Variants in LNX1 observed in about 807,000 individuals in gnomAD.
The protein encoded by LNX1 is E3 ubiquitin-protein ligase LNX.
In LNX1, 54 loss-of-function variants were observed where a neutral mutation model predicts 68.4. The ratio of observed to expected loss-of-function variants is 0.79; its 90% CI spans 0.63 to 0.99. LNX1 has a LOEUF of 0.99. LNX1 is among the 50% of genes least tolerant of loss of function. The pLI is 0.00. For missense variants in LNX1, 906 were observed against 926.4 expected, an observed-to-expected ratio of 0.98 and a Z score of 0.29; for synonymous variants, 336 against 350.0, an observed-to-expected ratio of 0.96 and a Z score of 0.45.
chr4:53,578,142 T>C (rs1369863368), intron 1 of LNX1, among the ~76,000 whole-genome samples: 1 of 152,190 alleles, frequency 6.6e-6, no homozygotes, highest in African/African-American at 2.4e-5. Flanking sequence ...CCAGAATCTT[T>C]CTTGATTATG....
chr4:53,651,223 C>T lies in LNX1; in HGVS notation c.-215+945G>A, dbSNP rs112679820. Among the ~76,000 whole-genome samples, 1,090 of 152,282 alleles carry T rather than the reference C, an allele frequency of 7.2e-3. 15 individuals are homozygous for T. Among genetic ancestry groups the T allele is most frequent in the African/African-American group, 0.024 (1,000 of 41,540 alleles). ...CCTGGGGGACTTGTGTATCTGAATG[C>T]TCTCCCTCAATCCAAGTCCACACTT... On this transcript the variant is annotated intron_variant, in intron 1 of 2. Transcript: ENST00000507168.
Position 53,591,467 on chromosome 4 carries a change from C to A in LNX1, c.-166G>T, listed in dbSNP as rs772395061. ...TTCCTTGTGGGTGAACCGAGCAGCT[C>A]CTTGGGCCGCCGGAGTTGTGACCAG... On this transcript the variant is annotated 5_prime_UTR_variant, in exon 1 of 11. Transcript: ENST00000263925. 10 of 985,704 alleles carry A rather than the reference C, an allele frequency of 1.0e-5. No individual in the cohort carries two copies. The highest frequency in any genetic ancestry group is 1.2e-5 in the Non-Finnish European group (10 of 830,198). The allele number at this position is 985,704 out of a possible 1,614,324, so 61.1% of individuals were successfully genotyped here.
chr4:53,568,169 C>T (rs553139854), intron 2 of LNX1, among the ~76,000 whole-genome samples: 47 of 151,980 alleles, frequency 3.1e-4, no homozygotes, highest in African/African-American at 1.1e-3. Context: ...ATTCTGATAC[C>T]AAAGCCGGGC....
chr4:53,488,765 T>C (rs554384942), intron 6 of LNX1, among the ~76,000 whole-genome samples: 1 of 152,232 alleles, frequency 6.6e-6, no homozygotes, highest in South Asian at 2.1e-4. Flanking sequence ...GACCACATGA[T>C]GCCATACAGA....
intron 2 of LNX1, among the ~76,000 whole-genome samples, chr4:53,544,652 A>G (rs1400368509): frequency 6.6e-6 from 1 of 152,208 alleles, no homozygotes; most frequent in East Asian, 1.9e-4. Flanking sequence ...CCATGCGAGA[A>G]TCTTTTCTAA....
intron 2 of LNX1, among the ~76,000 whole-genome samples, chr4:53,541,136 CAAAAAAAAAAGA>C (rs1431856767): frequency 1.7e-4 from 4 of 24,114 alleles, no homozygotes; most frequent in South Asian, 8.8e-4. Context: ...GACTCTAACT[CAAAAAAAAAAGA>C]AAAAAAAAAA....
chr4:53,474,112 G>A (rs1371454952), intron 9 of LNX1, among the ~76,000 whole-genome samples: 4 of 152,174 alleles, frequency 2.6e-5, no homozygotes, highest in East Asian at 1.9e-4. Context: ...GCAACCTGGC[G>A]CATGGCTGTT....
At chr4:53,626,880 C>A (rs779369279) in intron 1 of LNX1, among the ~76,000 whole-genome samples, 21 of 152,180 alleles carry the variant, frequency 1.4e-4, no homozygotes, top group Admixed American at 7.2e-4. Context: ...TCTGTGCCAA[C>A]AGTCTGAAAT....
chr4:53,559,688 C>A (rs1159062222), intron 2 of LNX1, among the ~76,000 whole-genome samples: 1 of 151,984 alleles, frequency 6.6e-6, no homozygotes, highest in Admixed American at 6.6e-5. Context: ...TGCTCTGTCA[C>A]CCAGGCTGTA....
chr4:53,467,800 A>G (rs1457495264), intron 9 of LNX1, among the ~76,000 whole-genome samples: 2 of 152,298 alleles, frequency 1.3e-5, no homozygotes, highest in Admixed American at 1.3e-4. Flanking sequence ...AAAAAAGAAT[A>G]AAAAGAAATG....
At chr4:53,546,612 T>C (rs576653433) in intron 2 of LNX1, among the ~76,000 whole-genome samples, 1 of 152,310 alleles carries the variant, frequency 6.6e-6, no homozygotes, top group East Asian at 1.9e-4. Flanking sequence ...CTTAGTTTCT[T>C]CATCTATAAA....
At chr4:53,584,092 T>G (rs1343392285) in intron 1 of LNX1, among the ~76,000 whole-genome samples, 1 of 152,212 alleles carries the variant, frequency 6.6e-6, no homozygotes, top group Non-Finnish European at 1.5e-5. Flanking sequence ...AAACTGACAT[T>G]CTTTCATCCA....
At chr4:53,548,598 T>C (rs1729273744) in intron 2 of LNX1, among the ~76,000 whole-genome samples, 1 of 152,160 alleles carries the variant, frequency 6.6e-6, no homozygotes, top group Admixed American at 6.5e-5. Flanking sequence ...AAATCAACCA[T>C]TCTGGAAAGC....
Position 53,481,797 on chromosome 4 carries a change from C to T in LNX1, c.1408G>A (p.Asp470Asn). Residue 470 changes from aspartate (D) to asparagine (N), a missense_variant, in exon 7 of 11, where the codon GAC (aspartate) becomes AAC (asparagine). By Grantham distance (23) the Asp-to-Asn change is conservative. Transcript: ENST00000263925. Reference sequence around the variant, plus strand: ...TTCCAGCCGGCTTCCTGAAAGATGTCAGGGCTCCGCTGCCGAACCTGGCGG... The same window carrying T: ...TTCCAGCCGGCTTCCTGAAAGATGTTAGGGCTCCGCTGCCGAACCTGGCGG... ...VSRQVRQRSPDIFQEAGWNSN... is the reference protein window; with the variant it reads ...VSRQVRQRSPNIFQEAGWNSN... 6.2e-7 allele frequency: 1 copy of T among 1,613,446 alleles called. No individual in the cohort carries two copies. Among genetic ancestry groups the T allele is most frequent in the Non-Finnish European group, 8.5e-7 (1 of 1,179,664 alleles).
intron 4 of LNX1, among the ~76,000 whole-genome samples, chr4:53,504,417 G>A (rs189923801): frequency 6.6e-6 from 1 of 152,344 alleles, no homozygotes; most frequent in Non-Finnish European, 1.5e-5. Context: ...AGAAAGTTAG[G>A]ACCTTCCTCT....
chr4:53,552,758 G>A (rs1424973464), intron 2 of LNX1, among the ~76,000 whole-genome samples: 1 of 148,172 alleles, frequency 6.7e-6, no homozygotes, highest in Non-Finnish European at 1.5e-5. Flanking sequence ...GAACCCGGGA[G>A]ATGGAGGTTG....
At chr4:53,461,707 C>T (rs1722126584) in intron 9 of LNX1, 114 bp from the exon 10 acceptor site, 7 of 706,484 alleles carry the variant, frequency 9.9e-6, no homozygotes, top group Non-Finnish European at 1.6e-5. Flanking sequence ...CTAAGTACCA[C>T]TGCATAGGTC....
chr4:53,588,737 T>A (rs1354610157), intron 1 of LNX1, among the ~76,000 whole-genome samples: 1 of 152,122 alleles, frequency 6.6e-6, no homozygotes, highest in Non-Finnish European at 1.5e-5. Context: ...AGGTTCTCCC[T>A]TAGGGCTCCG....
Position 53,529,644 on chromosome 4 carries a change from A to G in LNX1, c.381-21417T>C, listed in dbSNP as rs538678218. Among the ~76,000 whole-genome samples, 18 of 152,322 alleles carry G rather than the reference A, an allele frequency of 1.2e-4. No individual in the cohort carries two copies. The South Asian group carries it at 3.7e-3, about 32-fold the overall frequency. On this transcript the variant is annotated intron_variant, in intron 2 of 10. Transcript: ENST00000263925. ...AGCAAGCACGGCATCTGACAGCTCC[A>G]TGTACATTGTGAGCTCCCAGAGTGT...
Sources: allele counts gnomAD v4.1 joint callset (sites outside exome capture counted in the v4.1 genomes callset), GRCh38; gene constraint gnomAD v4.1.1; transcripts MANE v1.5; gene names NCBI Gene and HGNC (gene_info 2026-07-23, HGNC 2026-07-21).